Variants in LOC400499 observed in about 807,000 individuals in gnomAD.
the LOC400499 span, among the ~76,000 whole-genome samples, chr16:11,508,156 C>T: frequency 2.0e-5 from 3 of 152,322 alleles, no homozygotes; most frequent in East Asian, 1.9e-4. Context: ...AACCATCTCT[C>T]TCGTGCTTTC....
chr16:11,514,721 G>A, the LOC400499 span, among the ~76,000 whole-genome samples: 2 of 152,154 alleles, frequency 1.3e-5, no homozygotes, highest in Admixed American at 6.5e-5. Context: ...CCCCTGGCTC[G>A]CCTGGATTGT....
At chr16:11,410,070 G>A in the LOC400499 span, among the ~76,000 whole-genome samples, 4 of 152,202 alleles carry the variant, frequency 2.6e-5, no homozygotes, top group African/African-American at 9.6e-5. Flanking sequence ...CTTGCACCCA[G>A]GAGTTTGAGG....
chr16:11,384,848 C>T, the LOC400499 span: 2,116 of 1,231,726 alleles, frequency 1.7e-3, 4 homozygotes, highest in Non-Finnish European at 2.0e-3. Context: ...CCAAAGAGTC[C>T]GCTGTAGGTG....
the LOC400499 span, chr16:11,435,651 G>A: frequency 2.5e-6 from 1 of 399,390 alleles, no homozygotes; most frequent in Non-Finnish European, 4.4e-6. Context: ...AGGCCACCTG[G>A]GGACCATTAC....
At chr16:11,463,020 T>C in the LOC400499 span, among the ~76,000 whole-genome samples, 1 of 152,142 alleles carries the variant, frequency 6.6e-6, no homozygotes, top group Admixed American at 6.6e-5. Context: ...ACACGTCGAA[T>C]GATGGCACAC....
the LOC400499 span, among the ~76,000 whole-genome samples, chr16:11,424,945 A>G: frequency 6.6e-6 from 1 of 152,164 alleles, no homozygotes; most frequent in Non-Finnish European, 1.5e-5. Flanking sequence ...CTGAAGCTGC[A>G]TGTTCTGGCT....
At chr16:11,482,800 G>A in the LOC400499 span, among the ~76,000 whole-genome samples, 1 of 151,440 alleles carries the variant, frequency 6.6e-6, no homozygotes, top group Non-Finnish European at 1.5e-5. Context: ...GCTGAGGCTG[G>A]AAGATCACTT....
the LOC400499 span, among the ~76,000 whole-genome samples, chr16:11,381,490 C>CCCAATCTGTAG: frequency 1.3e-5 from 2 of 152,164 alleles, no homozygotes; most frequent in Non-Finnish European, 2.9e-5. Context: ...AAACATTTTT[C>CCCAATCTGTAG]CCAATCTGTA....
chr16:11,381,881 G>A, the LOC400499 span, among the ~76,000 whole-genome samples: 1 of 151,800 alleles, frequency 6.6e-6, no homozygotes, highest in Admixed American at 6.6e-5. Context: ...TGGTATGGAT[G>A]GATTTATTGT....
the LOC400499 span, among the ~76,000 whole-genome samples, chr16:11,415,362 C>T: frequency 1.3e-5 from 2 of 152,348 alleles, no homozygotes; most frequent in East Asian, 3.9e-4. Context: ...CCAAGTGACA[C>T]TCAGCCAGGC....
the LOC400499 span, among the ~76,000 whole-genome samples, chr16:11,473,736 C>T: frequency 2.1e-5 from 3 of 145,714 alleles, no homozygotes; most frequent in Non-Finnish European, 3.0e-5. Context: ...GCCTGGGCAA[C>T]GAGAGTGAAA....
the LOC400499 span, among the ~76,000 whole-genome samples, chr16:11,453,085 C>T: frequency 1.3e-5 from 2 of 152,174 alleles, no homozygotes; most frequent in Non-Finnish European, 2.9e-5. Context: ...TGGCAGAGAA[C>T]TAGCACTCAC....
At chr16:11,393,376 C>A in the LOC400499 span, 18 of 1,232,166 alleles carry the variant, frequency 1.5e-5, no homozygotes, top group Non-Finnish European at 1.7e-5. Flanking sequence ...GAGCTGGGAC[C>A]CAGCTGCCAC....
At chr16:11,475,802 CA>C in the LOC400499 span, 2 of 395,644 alleles carry the variant, frequency 5.1e-6, no homozygotes, top group East Asian at 7.2e-5. Flanking sequence ...GAGCTTGGCA[CA>C]GGGGCAAATT....
the LOC400499 span, among the ~76,000 whole-genome samples, chr16:11,444,884 C>T: frequency 1.1e-4 from 16 of 152,022 alleles, no homozygotes; most frequent in African/African-American, 3.9e-4. Flanking sequence ...GAGCTCAAGA[C>T]CAGCCTGGGC....
chr16:11,381,228 T>G, the LOC400499 span: 1 of 152,116 alleles, frequency 6.6e-6, no homozygotes, highest in Non-Finnish European at 1.5e-5. Flanking sequence ...TTTCATGCAT[T>G]TATTTCCCAT....
At chr16:11,488,454 C>A in the LOC400499 span, among the ~76,000 whole-genome samples, 1 of 152,142 alleles carries the variant, frequency 6.6e-6, no homozygotes, top group African/African-American at 2.4e-5. Context: ...AGGGTTTACT[C>A]TGTCACCCAC....
the LOC400499 span, among the ~76,000 whole-genome samples, chr16:11,443,108 G>C: frequency 2.0e-5 from 3 of 152,002 alleles, no homozygotes; most frequent in African/African-American, 7.3e-5. Flanking sequence ...GGGATCACCT[G>C]AGGTCAGGAG....
At chr16:11,460,346 G>A in the LOC400499 span, 22 of 1,159,240 alleles carry the variant, frequency 1.9e-5, no homozygotes, top group Admixed American at 3.2e-5. Flanking sequence ...TTCCAGCCCC[G>A]GATCCATTCC....
Sources: gnomAD v4.1 joint callset for allele counts (sites outside exome capture counted in the v4.1 genomes callset) on GRCh38, gnomAD v4.1.1 for gene constraint, MANE v1.5 for transcripts.